The following RGS6 variants were observed in gnomAD, a reference collection of about 807,000 sequenced individuals.
RGS6 encodes the protein regulator of G-protein signaling 6.
RGS6 carries 30 observed loss-of-function variants against 78.5 expected under a neutral mutation model. That is an observed-to-expected ratio of 0.38 (90% CI 0.29 to 0.52). RGS6 has a LOEUF of 0.52. RGS6 is among the 20% of genes least tolerant of loss of function. The pLI is 0.85. For missense variants in RGS6, 495 were observed against 609.7 expected (o/e 0.81, Z 1.98); for synonymous variants, 206 against 206.0 (o/e 1.00, Z 0.00).
intron 2 of RGS6, among the ~76,000 whole-genome samples, chr14:72,157,324 G>C (rs1286958529): frequency 1.3e-5 from 2 of 152,122 alleles, no homozygotes; most frequent in African/African-American, 4.8e-5. Flanking sequence ...AATGGAAACG[G>C]GGATGTAGTT....
At chr14:71,919,837 T>C in the RGS6 span, among the ~76,000 whole-genome samples, 48 of 151,904 alleles carry the variant, frequency 3.2e-4, 1 homozygote, top group African/African-American at 1.1e-3. Context: ...CTACTAAACA[T>C]ATAAAAATTA....
downstream of RGS6, among the ~76,000 whole-genome samples, chr14:72,567,456 T>G (rs2097714827): frequency 6.6e-6 from 1 of 152,228 alleles, no homozygotes; most frequent in Admixed American, 6.5e-5. Flanking sequence ...GCATGCACTC[T>G]ACCCTGACCG....
chr14:72,519,417 C>T (rs974791680), intron 15 of RGS6, among the ~76,000 whole-genome samples: 1 of 152,184 alleles, frequency 6.6e-6, no homozygotes, highest in African/African-American at 2.4e-5. Context: ...TCTGGGGCCC[C>T]CAGTAGAGAA....
chr14:72,479,996 G>A (rs1439275588), intron 12 of RGS6, among the ~76,000 whole-genome samples: 1 of 152,184 alleles, frequency 6.6e-6, no homozygotes, highest in African/African-American at 2.4e-5. Context: ...GGGAGCATCT[G>A]TTTCTTTGGA....
Position 72,495,182 on chromosome 14 carries a change from A to G in RGS6, c.885A>G (p.Glu295=). 1 of 1,613,456 alleles carries G rather than the reference A, an allele frequency of 6.2e-7. No individual in the cohort carries two copies. Among genetic ancestry groups the G allele is most frequent in the Non-Finnish European group, 8.5e-7 (1 of 1,179,406 alleles). ...SLIAYTEQYV[E]YDPLITPAEP... ...TTGCCTACACGGAACAATATGTGGA[A>G]TATGACCCTTTGATAACACCAGCTG... The change falls in exon 13 of 18, where the codon GAA becomes GAG. Residue 295 remains glutamate (E), a synonymous_variant. Transcript: ENST00000553525.
rs186045866 is a variant in RGS6 at position 72,340,418 on chromosome 14, A to G, written c.85-11677A>G. Among the ~76,000 whole-genome samples the G allele has an allele frequency of 3.9e-5, 6 of 152,302 alleles. No homozygotes were observed. The East Asian group carries it at 5.8e-4, about 15-fold the overall frequency. On this transcript the variant is annotated intron_variant, in intron 2 of 17. Transcript: ENST00000553525. The stretch of plus-strand genomic sequence containing the variant: ...TTTCAAGGGGCCAGAGGAAGCCCCA[A>G]ATGCGTAGAATCACAGCCAGGTGCT...
chr14:72,000,052 C>T (rs1370692808), intron 2 of RGS6, among the ~76,000 whole-genome samples: 1 of 152,008 alleles, frequency 6.6e-6, no homozygotes, highest in East Asian at 1.9e-4. Context: ...TCAGGGAGAA[C>T]CTTAGATAGT....
intron 2 of RGS6, among the ~76,000 whole-genome samples, chr14:72,016,748 T>G (rs1349040445): frequency 6.6e-6 from 1 of 152,214 alleles, no homozygotes; most frequent in East Asian, 1.9e-4. Flanking sequence ...TAGTTTAAGT[T>G]TCACTTCAGT....
chr14:72,480,239 A>G (rs1001776401), intron 12 of RGS6, among the ~76,000 whole-genome samples: 3 of 152,116 alleles, frequency 2.0e-5, no homozygotes, highest in Non-Finnish European at 4.4e-5. Context: ...CCAATTTGTT[A>G]TATCTTTGGG....
intron 3 of RGS6, among the ~76,000 whole-genome samples, chr14:72,437,798 C>A (rs1258277015): frequency 1.3e-5 from 2 of 152,190 alleles, no homozygotes; most frequent in African/African-American, 4.8e-5. Flanking sequence ...GGATCTGGGG[C>A]TTGAAGTCAC....
intron 4 of RGS6, 129 bp from the exon 5 acceptor site, chr14:72,458,142 G>A: frequency 1.5e-6 from 1 of 685,368 alleles, no homozygotes; most frequent in Non-Finnish European, 2.5e-6. Flanking sequence ...CCCACACTGA[G>A]CAAGGGCAAT....
intron 2 of RGS6, among the ~76,000 whole-genome samples, chr14:72,175,470 A>G (rs898033241): frequency 6.6e-6 from 1 of 152,180 alleles, no homozygotes; most frequent in South Asian, 2.1e-4. Context: ...CATTCAACAA[A>G]TCTTAATTGA....
At chr14:71,997,455 TAAG>T (rs1436032489) in intron 2 of RGS6, among the ~76,000 whole-genome samples, 1 of 152,204 alleles carries the variant, frequency 6.6e-6, no homozygotes, top group Non-Finnish European at 1.5e-5. Context: ...TAGATAAAAT[TAAG>T]AAGGCCTATG....
intron 7 of RGS6, among the ~76,000 whole-genome samples, chr14:72,467,047 G>C (rs542323377): frequency 6.6e-6 from 1 of 152,026 alleles, no homozygotes; most frequent in African/African-American, 2.4e-5. Context: ...GCAAAAATTA[G>C]AGGCCCCACC....
chr14:72,264,239 G>T (rs2058665049), intron 2 of RGS6, among the ~76,000 whole-genome samples: 1 of 152,110 alleles, frequency 6.6e-6, no homozygotes, highest in East Asian at 1.9e-4. Context: ...TACCTTTGTT[G>T]GACTCTCAGC....
chr14:72,538,027 A>G (rs892853702), intron 16 of RGS6, among the ~76,000 whole-genome samples: 3 of 152,208 alleles, frequency 2.0e-5, no homozygotes, highest in African/African-American at 7.2e-5. Flanking sequence ...CCAGCTCCCG[A>G]AGTAAGGGAT....
intron 3 of RGS6, among the ~76,000 whole-genome samples, chr14:72,445,486 T>A (rs907652169): frequency 5.3e-5 from 8 of 152,122 alleles, no homozygotes; most frequent in African/African-American, 1.7e-4. Context: ...ATGTGATTTT[T>A]TTTTTTTTTT....
chr14:72,074,268 C>T (rs1352715430), intron 2 of RGS6, among the ~76,000 whole-genome samples: 1 of 152,168 alleles, frequency 6.6e-6, no homozygotes, highest in Non-Finnish European at 1.5e-5. Flanking sequence ...GTGATCATAG[C>T]GCACTGCAGC....
chr14:72,549,544 C>G (rs1303570488), intron 17 of RGS6, among the ~76,000 whole-genome samples: 1 of 152,166 alleles, frequency 6.6e-6, no homozygotes, highest in African/African-American at 2.4e-5. Flanking sequence ...GTTCCAGATT[C>G]CAGGTAAATG....
Sources: allele counts gnomAD v4.1 joint callset (sites outside exome capture counted in the v4.1 genomes callset), GRCh38; gene constraint gnomAD v4.1.1; transcripts MANE v1.5; gene names NCBI Gene and HGNC (gene_info 2026-07-23, HGNC 2026-07-21).